Variants in CERKL observed in about 807,000 individuals in gnomAD.
The protein encoded by CERKL is CERK like autophagy regulator.
In CERKL, 61 loss-of-function variants were observed where a neutral mutation model predicts 63.4. The ratio of observed to expected loss-of-function variants is 0.96; its 90% confidence interval spans 0.78 to 1.19. CERKL has a LOEUF of 1.19. Ranked by LOEUF, CERKL falls within the 50% of genes most tolerant of loss-of-function variation. The pLI, the probability that CERKL is intolerant of heterozygous loss-of-function variation, is 0.00. For missense variants in CERKL, 675 were observed against 655.5 expected, an observed-to-expected ratio of 1.03 and a Z score of -0.33; for synonymous variants, 250 against 230.5, an observed-to-expected ratio of 1.08 and a Z score of -0.77.
intron 2 of CERKL, among the ~76,000 whole-genome samples, chr2:181,599,436 G>A (rs1433607297): frequency 6.6e-6 from 1 of 151,632 alleles, no homozygotes; most frequent in African/African-American, 2.4e-5. Flanking sequence ...ACTCCAGAAG[G>A]TGAGGCAGGA....
intron 2 of CERKL, among the ~76,000 whole-genome samples, chr2:181,574,918 G>A (rs565298804): frequency 3.3e-5 from 5 of 152,110 alleles, no homozygotes; most frequent in Non-Finnish European, 5.9e-5. Context: ...AGTTTTAGAC[G>A]AGGAAGAGAT....
chr2:181,571,050 G>A (rs1479393154), intron 3 of CERKL, among the ~76,000 whole-genome samples: 1 of 152,036 alleles, frequency 6.6e-6, no homozygotes, highest in Admixed American at 6.6e-5. Context: ...ACAGTATTAT[G>A]ACCACCTTTC....
rs370375896 is a variant in CERKL, at chr2:181,623,653, G to C, written c.239-19574C>G. Among the ~76,000 whole-genome samples the C allele has an allele frequency of 8.5e-5, 13 of 152,242 alleles. No individual in the cohort carries two copies. In the East Asian group the frequency reaches 2.1e-3, roughly 25 times the overall value. ...CTTGACTACCCAATAAATAATCGTTGAACAAAGATTGGAACAAAATAAGGG... is the reference window on the plus strand; with the variant it reads ...CTTGACTACCCAATAAATAATCGTTCAACAAAGATTGGAACAAAATAAGGG... On this transcript the variant is annotated intron_variant, in intron 1 of 12. Transcript: ENST00000410087.
Position 181,548,019 on chromosome 2 carries a change from A to T in CERKL, c.1134-172T>A. Reference sequence around the variant, plus strand: ...AACGTACAATTTTGTTGCTGCCAACATAATGTGTTGATTCATTTAAAGGTA... The same window carrying T: ...AACGTACAATTTTGTTGCTGCCAACTTAATGTGTTGATTCATTTAAAGGTA... On this transcript the variant is annotated intron_variant, in intron 8 of 12. Transcript: ENST00000410087. The T allele has an allele frequency of 4.6e-6, 3 of 650,174 alleles. No homozygotes were observed. The South Asian group carries it at 5.8e-5, about 13-fold the overall frequency. The allele number at this position is 650,174 out of a possible 1,614,324, so 40.3% of individuals were successfully genotyped here. A position where few individuals can be genotyped will look rare whatever the true frequency, so the allele number is the denominator to read the frequency against.
At chr2:181,595,862 T>C (rs1314746013) in intron 2 of CERKL, among the ~76,000 whole-genome samples, 1 of 152,228 alleles carries the variant, frequency 6.6e-6, no homozygotes, top group African/African-American at 2.4e-5. Context: ...CTTGATGCTA[T>C]TATTATGAAG....
At position 181,547,722 on chromosome 2, in the gene CERKL, A is replaced by G. The variant is rs905011448; in HGVS notation, c.1164T>C (p.Cys388=). The G allele has an allele frequency of 5.0e-6, 8 of 1,613,896 alleles. No homozygotes were observed. The African/African-American group carries it at 1.1e-4, about 22-fold the overall frequency. Reference sequence around the variant, plus strand: ...CCTGGATCATTTGCCATTGATCATTACAGTCTAAAGGTAATGAAAGTGATT... The same window carrying G: ...CCTGGATCATTTGCCATTGATCATTGCAGTCTAAAGGTAATGAAAGTGATT... ...RRAQGSPKSD[C]NDQWQMIQGQ... is the part of the protein sequence containing the mutation. Residue 388 remains cysteine (C), a synonymous_variant, in exon 10 of 13, where the codon TGT becomes TGC. Transcript: ENST00000410087.
rs1317994683 is a variant in CERKL, at chr2:181,631,493, ACACCCCTC to A, written c.238+25268_238+25275del. Among the ~76,000 whole-genome samples the A allele has an allele frequency of 2.0e-5, 3 of 152,080 alleles. No individual in the cohort carries two copies. In the East Asian group the frequency reaches 5.8e-4, roughly 29 times the overall value. On this transcript the variant is annotated intron_variant, in intron 1 of 12. Transcript: ENST00000410087. ...AACCACTTCACATCTCATTCCCTTTACACCCCTCCACCCCACCTTCCCCCATGCTAATG... is the reference window on the plus strand; with the variant it reads ...AACCACTTCACATCTCATTCCCTTTACACCCCACCTTCCCCCATGCTAATG...
At chr2:181,561,669 A>G (rs1292722412) in intron 4 of CERKL, among the ~76,000 whole-genome samples, 2 of 152,264 alleles carry the variant, frequency 1.3e-5, no homozygotes, top group African/African-American at 4.8e-5. Context: ...GAGAGATTTA[A>G]CTAAGAGTTT....
At chr2:181,655,038 C>T (rs1322184694) in intron 1 of CERKL, among the ~76,000 whole-genome samples, 1 of 152,134 alleles carries the variant, frequency 6.6e-6, no homozygotes, top group Non-Finnish European at 1.5e-5. Context: ...ATTTTAGAGG[C>T]CCAAAGTGGT....
At position 181,539,100 on chromosome 2, in the gene CERKL, G is replaced by C; in HGVS notation, c.1530C>G (p.Val510=). Residue 510 remains valine, a synonymous_variant, in exon 12 of 13, where the codon GTC becomes GTG. Coordinates refer to ENST00000410087, the MANE Select transcript of CERKL (RefSeq NM_201548.5). ...DGDLMEVASE[V]HIRLHPRLIS... is the part of the protein sequence containing the mutation. ...GAAATAAATAGACTTACCTAATATG[G>C]ACCTCTGATGCAACTTCCATTAAGT... 6.3e-7 allele frequency: 1 copy of C among 1,599,730 alleles called. No individual in the cohort carries two copies. Among genetic ancestry groups the C allele is most frequent in the Non-Finnish European group, 8.6e-7 (1 of 1,167,250 alleles).
chr2:181,573,423 C>G (rs949306152), intron 3 of CERKL, among the ~76,000 whole-genome samples: 2 of 152,156 alleles, frequency 1.3e-5, no homozygotes, highest in Non-Finnish European at 2.9e-5. Context: ...AAATCAATTT[C>G]TTGCCTAACT....
At chr2:181,602,878 A>C (rs540634971) in intron 2 of CERKL, among the ~76,000 whole-genome samples, 2 of 152,362 alleles carry the variant, frequency 1.3e-5, no homozygotes, top group South Asian at 4.1e-4. Context: ...AAAACAAGCA[A>C]GATTCATAAA....
At position 181,538,003 on chromosome 2, in the gene CERKL, A is replaced by AATCT. The variant is rs1217379079; in HGVS notation, c.*177_*180dup. 1.5e-6 allele frequency: 1 copy of AATCT among 682,622 alleles called. No homozygotes were observed. The highest frequency in any genetic ancestry group is 2.0e-5 in the Admixed American group (1 of 48,980). The allele number at this position is 682,622 out of a possible 1,614,324, so 42.3% of individuals were successfully genotyped here. ...TCTAGAGTGCCATGTTCCTCAAGAG[A>AATCT]ATCTAATGCCTGATGATCTGAGGTG... On this transcript the variant is annotated 3_prime_UTR_variant, in exon 13 of 13. Transcript: ENST00000410087.
At chr2:181,554,670 C>G (rs1574443345) in intron 5 of CERKL, among the ~76,000 whole-genome samples, 1 of 152,280 alleles carries the variant, frequency 6.6e-6, no homozygotes, top group Non-Finnish European at 1.5e-5. Context: ...TTCTCCACAT[C>G]TGATCCATTT....
chr2:181,547,456 A>G (rs1016253768), intron 10 of CERKL, among the ~76,000 whole-genome samples, 162 bp downstream of exon 10: 1 of 152,210 alleles, frequency 6.6e-6, no homozygotes, highest in African/African-American at 2.4e-5. Context: ...CCAGTTCAAC[A>G]GTTGTTCTCA....
Position 181,656,941 on chromosome 2 carries a change from G to C in CERKL, c.66C>G (p.Pro22=), listed in dbSNP as rs199762900. 4.2e-3 allele frequency: 6,643 copies of C among 1,588,102 alleles called. 60 individuals carry two copies. Among genetic ancestry groups the C allele is most frequent in the South Asian group, 0.021 (1,844 of 89,628 alleles). The part of the protein sequence containing the change: ...ALEGGREEEA[P]PEAAAVPPAL... The stretch of plus-strand genomic sequence containing the variant: ...CCGGAGGCACAGCGGCAGCCTCCGG[G>C]GGCGCCTCTTCCTCCCGGCCGCCCT... The change falls in exon 1 of 13, where the codon CCC becomes CCG. Residue 22 remains proline (P), a synonymous_variant. Coordinates refer to ENST00000410087, the MANE Select transcript of CERKL (RefSeq NM_201548.5).
At chr2:181,638,104 C>T (rs1000949976) in intron 1 of CERKL, among the ~76,000 whole-genome samples, 1 of 152,156 alleles carries the variant, frequency 6.6e-6, no homozygotes, top group African/African-American at 2.4e-5. Flanking sequence ...TAGGCCTGCA[C>T]TTGAATTGGA....
At chr2:181,575,636 T>A (rs1474325965) in intron 2 of CERKL, among the ~76,000 whole-genome samples, 1 of 152,094 alleles carries the variant, frequency 6.6e-6, no homozygotes, top group Non-Finnish European at 1.5e-5. Flanking sequence ...TTACCCCTCA[T>A]CCCACCCCTG....
At position 181,563,530 on chromosome 2, in the gene CERKL, G is replaced by A. The variant is rs1205402124; in HGVS notation, c.677+2528C>T. Among the ~76,000 whole-genome samples, 4 of 151,336 alleles carry A rather than the reference G, an allele frequency of 2.6e-5. No individual in the cohort carries two copies. The East Asian group carries it at 7.8e-4, about 29-fold the overall frequency. On this transcript the variant is annotated intron_variant, in intron 4 of 12. Coordinates refer to ENST00000410087, the MANE Select transcript of CERKL (RefSeq NM_201548.5). Reference sequence around the variant, plus strand: ...AATAGTTCCACTAGTGTCAGACGGAGGTGCTTCAGGCCAAAGTTCTTAAAG... The same window carrying A: ...AATAGTTCCACTAGTGTCAGACGGAAGTGCTTCAGGCCAAAGTTCTTAAAG...
Sources: allele counts gnomAD v4.1 joint callset (sites outside exome capture counted in the v4.1 genomes callset), GRCh38; gene constraint gnomAD v4.1.1; transcripts MANE v1.5; gene names NCBI Gene and HGNC (gene_info 2026-07-23, HGNC 2026-07-21).